RARB: variants seen among roughly 807,000 people sequenced by gnomAD.
The protein encoded by RARB is HBV-activated protein.
RARB carries 17 observed loss-of-function variants against 51.9 expected under a neutral mutation model. That is an observed-to-expected ratio of 0.33 (90% confidence interval 0.22 to 0.49). The LOEUF is 0.49. Ranked by LOEUF, RARB falls within the 20% of genes least tolerant of loss-of-function variation. The probability of loss-of-function intolerance (pLI) is 0.99; values close to 1 mark genes in which losing one functional copy is unlikely to be tolerated. For missense variants in RARB, 369 were observed against 550.8 expected, an observed-to-expected ratio of 0.67 and a Z score of 3.30; for synonymous variants, 215 against 195.4, an observed-to-expected ratio of 1.10 and a Z score of -0.84.
chr3:25,526,800 G>A (rs572252957), intron 3 of RARB, among the ~76,000 whole-genome samples: 7 of 152,210 alleles, frequency 4.6e-5, no homozygotes, highest in South Asian at 4.1e-4. Context: ...GGTACTTAGC[G>A]GTGTTCCCCT....
intron 2 of RARB, among the ~76,000 whole-genome samples, chr3:25,025,748 A>T (rs1407638819): frequency 6.6e-6 from 1 of 152,094 alleles, no homozygotes; most frequent in Non-Finnish European, 1.5e-5. Flanking sequence ...TCAATTTTTA[A>T]ATGTGGGTAA....
intron 1 of RARB, among the ~76,000 whole-genome samples, chr3:25,432,705 C>T (rs949429461): frequency 2.0e-5 from 3 of 152,110 alleles, no homozygotes; most frequent in African/African-American, 7.2e-5. Flanking sequence ...CCTGTTTTCT[C>T]CTTTACACAT....
At chr3:25,396,774 G>A (rs1359732971) in intron 5 of RARB, among the ~76,000 whole-genome samples, 1 of 152,084 alleles carries the variant, frequency 6.6e-6, no homozygotes, top group African/African-American at 2.4e-5. Context: ...GGGGATTATG[G>A]TTGCCTCTGC....
chr3:25,290,174 GT>G (rs1703750991), intron 5 of RARB, among the ~76,000 whole-genome samples: 3 of 152,232 alleles, frequency 2.0e-5, no homozygotes, highest in Admixed American at 2.0e-4. Context: ...AAATTTATAT[GT>G]TGAAGACCTA....
chr3:25,321,401 A>G (rs568520774), intron 5 of RARB, among the ~76,000 whole-genome samples: 1 of 152,256 alleles, frequency 6.6e-6, no homozygotes, highest in East Asian at 1.9e-4. Context: ...AAAATTTAAC[A>G]GAGATAAAAA....
chr3:25,226,782 T>C (rs1702065473), intron 5 of RARB, among the ~76,000 whole-genome samples: 2 of 152,112 alleles, frequency 1.3e-5, no homozygotes, highest in Non-Finnish European at 1.5e-5. Context: ...AGGAGACACA[T>C]TAGAAATAGA....
chr3:25,594,708 C>G, intron 7 of RARB, 30 bp downstream of exon 7: 3 of 1,530,128 alleles, frequency 2.0e-6, no homozygotes, highest in Non-Finnish European at 1.8e-6. Flanking sequence ...GTACTGTAGT[C>G]ACACAGTGGA....
At chr3:25,482,827 C>A (rs576972107) in intron 2 of RARB, among the ~76,000 whole-genome samples, 3 of 152,172 alleles carry the variant, frequency 2.0e-5, no homozygotes, top group African/African-American at 4.8e-5. Context: ...GCGTGAGCCA[C>A]CCGCCTAGCC....
At chr3:25,479,390 T>C (rs1696119344) in intron 2 of RARB, among the ~76,000 whole-genome samples, 1 of 152,228 alleles carries the variant, frequency 6.6e-6, no homozygotes, top group Non-Finnish European at 1.5e-5. Flanking sequence ...TATTATGCAG[T>C]CCATGCCTGT....
chr3:25,172,691 C>A (rs960159506), intron 4 of RARB, among the ~76,000 whole-genome samples: 1 of 152,176 alleles, frequency 6.6e-6, no homozygotes, highest in Non-Finnish European at 1.5e-5. Context: ...AACCCCAAAA[C>A]CTCTTGTCTA....
intron 2 of RARB, among the ~76,000 whole-genome samples, chr3:24,938,611 C>G (rs1695593429): frequency 6.6e-6 from 1 of 152,192 alleles, no homozygotes; most frequent in African/African-American, 2.4e-5. Context: ...TTTAAATGGA[C>G]AATTAAGTGG....
Position 24,903,316 on chromosome 3 carries a change from G to A in RARB, c.-380+44564G>A, listed in dbSNP as rs118150793. Among the ~76,000 whole-genome samples the A allele has an allele frequency of 9.6e-4, 146 of 152,120 alleles. 3 individuals carry two copies. The East Asian group carries it at 0.027, about 28-fold the overall frequency. ...CAAACTTCTATGTGAAGTAGAGGAA[G>A]GGAAACACTAGTATAAGAAAAAGTA... On this transcript the variant is annotated intron_variant, in intron 2 of 11. Transcript: ENST00000383772.
chr3:25,568,324 C>T (rs942177610), intron 3 of RARB, among the ~76,000 whole-genome samples: 2 of 152,152 alleles, frequency 1.3e-5, no homozygotes, highest in Non-Finnish European at 2.9e-5. Context: ...GACTCAGTTT[C>T]TTCATCTGTA....
chr3:24,845,634 T>C (rs1446125048), intron 1 of RARB, among the ~76,000 whole-genome samples: 1 of 152,214 alleles, frequency 6.6e-6, no homozygotes, highest in Non-Finnish European at 1.5e-5. Context: ...CTATCAGTCA[T>C]TGCTACACTC....
chr3:24,990,009 C>T lies in RARB; in HGVS notation c.-379-70116C>T, dbSNP rs1696876787. On this transcript the variant is annotated intron_variant, in intron 2 of 11. Coordinates refer to the RARB transcript ENST00000383772. ...AGAGACGGGGTTTCACCTTGTTAGC[C>T]AGGATGGTCTCGATCTCCTGACCTC... 2.0e-5 allele frequency among the ~76,000 whole-genome samples: 2 copies of T among 98,910 alleles called. 1 individual carries two copies. The highest frequency in any genetic ancestry group is 7.8e-4 in the South Asian group (2 of 2,554). 64.9% of individuals were successfully genotyped at this position (98,910 alleles called of 152,430 possible).
intron 2 of RARB, among the ~76,000 whole-genome samples, chr3:24,881,372 C>A (rs1428071902): frequency 1.3e-5 from 2 of 152,076 alleles, no homozygotes; most frequent in African/African-American, 4.8e-5. Context: ...CTGAACTAAG[C>A]AATTAGCCTG....
intron 2 of RARB, among the ~76,000 whole-genome samples, chr3:24,905,928 T>G (rs1329585948): frequency 6.6e-6 from 1 of 152,246 alleles, no homozygotes; most frequent in Non-Finnish European, 1.5e-5. Flanking sequence ...TGAGGTTTTG[T>G]TAATTTCCTT....
At chr3:25,255,503 C>A (rs1052136609) in intron 5 of RARB, among the ~76,000 whole-genome samples, 2 of 152,114 alleles carry the variant, frequency 1.3e-5, no homozygotes, top group Non-Finnish European at 2.9e-5. Context: ...GAGTTTGAAG[C>A]ATTTCACCCT....
intron 3 of RARB, among the ~76,000 whole-genome samples, chr3:25,121,848 C>A (rs1220835640): frequency 1.3e-5 from 2 of 152,060 alleles, no homozygotes; most frequent in Admixed American, 6.6e-5. Context: ...ATTTGAAGAC[C>A]ATTTGGAGGT....
Sources: allele counts gnomAD v4.1 joint callset (sites outside exome capture counted in the v4.1 genomes callset), GRCh38; gene constraint gnomAD v4.1.1; transcripts MANE v1.5; gene names NCBI Gene and HGNC (gene_info 2026-07-23, HGNC 2026-07-21).